GPATCH1: variants seen among roughly 807,000 people sequenced by gnomAD.
GPATCH1 encodes the protein G-patch domain containing 1, also known as G patch domain-containing protein 1.
A neutral mutation model predicts 114.9 loss-of-function variants in GPATCH1; 73 were observed. The observed-to-expected ratio is 0.64, with a 90% confidence interval of 0.53 to 0.77. The LOEUF is 0.77. Ranked by LOEUF, GPATCH1 falls within the 30% of genes least tolerant of loss-of-function variation. The probability of loss-of-function intolerance (pLI) is 0.00; values close to 1 mark genes in which losing one functional copy is unlikely to be tolerated. For missense variants in GPATCH1, 1,058 were observed against 1,144.3 expected (o/e 0.92, Z 1.09); for synonymous variants, 391 against 428.4 (o/e 0.91, Z 1.08).
At chr19:33,106,423 A>G (rs1972785352) in intron 9 of GPATCH1, among the ~76,000 whole-genome samples, 1 of 152,132 alleles carries the variant, frequency 6.6e-6, no homozygotes. Flanking sequence ...TTCTTATCCT[A>G]TAAAACAGGC....
chr19:33,122,029 T>C (rs1057132925), intron 17 of GPATCH1, among the ~76,000 whole-genome samples: 3 of 152,158 alleles, frequency 2.0e-5, no homozygotes. Context: ...TTTATTTTGT[T>C]TTGTTTTGAG....
intron 4 of GPATCH1, among the ~76,000 whole-genome samples, chr19:33,093,940 T>A (rs1417540523): frequency 1.3e-5 from 2 of 152,080 alleles, no homozygotes; most frequent in East Asian, 3.9e-4. Flanking sequence ...TGTGATCCCA[T>A]CGTAAAGGCC....
chr19:33,096,256 A>G lies in GPATCH1; in HGVS notation c.662A>G (p.Asp221Gly). ...GATAATGTGACCTTTGCACCCAAAGATGTCACACCTGTGGATTTCACACCT... is the reference window on the plus strand; with the variant it reads ...GATAATGTGACCTTTGCACCCAAAGGTGTCACACCTGTGGATTTCACACCT... ...LPDNVTFAPK[D>G]VTPVDFTPKD... The change falls in exon 7 of 20, where the codon GAT (aspartate) becomes GGT (glycine). Residue 221 changes from aspartate (D) to glycine (G), a missense_variant. This residue lies in a region of GPATCH1 where 893 missense variants were observed against 977.4 expected (regional missense o/e 0.91). Transcript: ENST00000170564. 2 of 1,613,596 alleles carry G rather than the reference A, an allele frequency of 1.2e-6. No homozygotes were observed. The highest frequency in any genetic ancestry group is 1.7e-6 in the Non-Finnish European group (2 of 1,179,492).
intron 19 of GPATCH1, among the ~76,000 whole-genome samples, chr19:33,127,464 C>G (rs553965033): frequency 9.9e-5 from 15 of 150,808 alleles, no homozygotes; most frequent in Admixed American, 9.3e-4. Context: ...TGCAGTGAGC[C>G]GAGATTGTGC....
intron 3 of GPATCH1, among the ~76,000 whole-genome samples, chr19:33,092,599 G>C (rs529483024): frequency 6.4e-4 from 97 of 152,304 alleles, no homozygotes; most frequent in Middle Eastern, 6.8e-3. Context: ...ACAACGTCAG[G>C]ACTCTGCAAG....
chr19:33,082,626 T>G (rs1482207276), intron 1 of GPATCH1, among the ~76,000 whole-genome samples: 2 of 151,618 alleles, frequency 1.3e-5, no homozygotes, highest in East Asian at 2.0e-4. Flanking sequence ...GGAGGATTGC[T>G]TGAGGTCAGG....
In GPATCH1 at chr19:33,092,621, C is replaced by T. The variant is rs116411386; in HGVS notation, c.295-738C>T. On this transcript the variant is annotated intron_variant, in intron 3 of 19. Coordinates refer to ENST00000170564, the MANE Select transcript of GPATCH1 (RefSeq NM_018025.3). ...CAGGACTCTGCAAGGAAAGAGGAAA[C>T]GTGCCAATGGTTGGACAGGCAGCCA... is the stretch of plus-strand genomic sequence containing the variant. Among the ~76,000 whole-genome samples the T allele has an allele frequency of 2.4e-3, 358 of 152,280 alleles. 1 individual carries two copies. The highest frequency in any genetic ancestry group is 8.2e-3 in the African/African-American group (340 of 41,566).
chr19:33,090,794 A>G lies in GPATCH1; in HGVS notation c.223A>G (p.Thr75Ala), dbSNP rs1972585745. The change falls in exon 3 of 20, where the codon ACC becomes GCC. Residue 75 changes from threonine (T) to alanine (A), a missense_variant. Physicochemically the swap from Thr to Ala is moderately conservative, Grantham distance 58 (BLOSUM62 0). Transcript: ENST00000170564. ...TTTTTTTTCAGGATGGACACCCTCT[A>G]CCTTTGTGTCTTCACGACAGAACAG... ...VGSKEGWTPSTFVSSRQNRAD... is the reference protein window; with the variant it reads ...VGSKEGWTPSAFVSSRQNRAD... 1.2e-6 allele frequency: 2 copies of G among 1,610,666 alleles called. No individual in the cohort carries two copies. The highest frequency in any genetic ancestry group is 1.7e-6 in the Non-Finnish European group (2 of 1,177,238).
At chr19:33,116,332 T>G (rs1203290510) in intron 15 of GPATCH1, among the ~76,000 whole-genome samples, 1 of 152,226 alleles carries the variant, frequency 6.6e-6, no homozygotes, top group Non-Finnish European at 1.5e-5. Flanking sequence ...CTGTTGCTCT[T>G]TCTTCATCCT....
At position 33,101,564 on chromosome 19, in the gene GPATCH1, C is replaced by T. The variant is rs778676911; in HGVS notation, c.1070C>T (p.Ser357Phe). Residue 357 changes from serine (S) to phenylalanine (F), a missense_variant, in exon 9 of 20, where the codon TCT becomes TTT. Transcript: ENST00000170564. ...TTTTCCTTGGCTTCTAAACCTTTAT[C>T]TTCTAAGAAAGTAAGAAAAACTTTT... Reference protein sequence around the residue: ...DGFSLASKPLSSKKIYPPPEL... With the variant: ...DGFSLASKPLFSKKIYPPPEL... 3 of 1,572,306 alleles carry T rather than the reference C, an allele frequency of 1.9e-6. No individual in the cohort carries two copies. In the South Asian group the frequency reaches 3.4e-5, roughly 18 times the overall value.
In GPATCH1 at chr19:33,093,474, C is replaced by T. The variant is rs1315142991; in HGVS notation, c.410C>T (p.Pro137Leu). 1.9e-6 allele frequency: 3 copies of T among 1,613,950 alleles called. No individual in the cohort carries two copies. Among genetic ancestry groups the T allele is most frequent in the East Asian group, 4.5e-5 (2 of 44,870 alleles). ...KARQLAAATA[P>L]IPGATLLDDL... ...AGGCAGTTGGCCGCTGCTACTGCCC[C>T]TATTCCTGGAGCCACCCTCCTTGAT... Residue 137 changes from proline to leucine, a missense_variant, in exon 4 of 20, where the codon CCT becomes CTT. Coordinates refer to ENST00000170564, the MANE Select transcript of GPATCH1 (RefSeq NM_018025.3).
At chr19:33,092,226 T>C (rs1972604684) in intron 3 of GPATCH1, among the ~76,000 whole-genome samples, 1 of 151,952 alleles carries the variant, frequency 6.6e-6, no homozygotes, top group African/African-American at 2.4e-5. Flanking sequence ...AATTTTTGTA[T>C]TTTTAGTAGA....
At chr19:33,118,774 G>C (rs760192588) in intron 16 of GPATCH1, among the ~76,000 whole-genome samples, 1 of 152,212 alleles carries the variant, frequency 6.6e-6, no homozygotes, top group East Asian at 1.9e-4. Context: ...TTGGCACGCT[G>C]TACCTCAGCC....
chr19:33,094,751 C>T (rs1972636427), intron 5 of GPATCH1, among the ~76,000 whole-genome samples: 1 of 152,148 alleles, frequency 6.6e-6, no homozygotes, highest in Admixed American at 6.6e-5. Context: ...TGAGTCTCCC[C>T]AGCCAGACTG....
chr19:33,128,471 A>G (rs1167161372), intron 19 of GPATCH1, among the ~76,000 whole-genome samples: 2 of 152,186 alleles, frequency 1.3e-5, no homozygotes, highest in Non-Finnish European at 2.9e-5. Flanking sequence ...CGTGTTAGCC[A>G]GGATGGTCTC....
intron 18 of GPATCH1, 135 bp from the exon 19 acceptor site, chr19:33,126,451 ACT>A: frequency 7.8e-7 from 1 of 1,289,252 alleles, no homozygotes; most frequent in Non-Finnish European, 1.1e-6. Flanking sequence ...TTAGGCTCTC[ACT>A]CTCACTCACT....
intron 7 of GPATCH1, among the ~76,000 whole-genome samples, chr19:33,097,266 GT>G (rs918786824): frequency 6.6e-6 from 1 of 150,876 alleles, no homozygotes; most frequent in Non-Finnish European, 1.5e-5. Context: ...TTATAAACGT[GT>G]TTTTTTTTCA....
chr19:33,094,845 C>T (rs900336689), intron 5 of GPATCH1, among the ~76,000 whole-genome samples: 3 of 152,152 alleles, frequency 2.0e-5, no homozygotes, highest in African/African-American at 7.2e-5. Flanking sequence ...GAGCACATTA[C>T]TGCTAGGTAG....
intron 1 of GPATCH1, among the ~76,000 whole-genome samples, chr19:33,081,837 G>C (rs1385075186): frequency 1.3e-5 from 2 of 152,020 alleles, no homozygotes; most frequent in African/African-American, 4.8e-5. Flanking sequence ...CAGGATTAGG[G>C]TTAGGGTTAG....
Sources: gnomAD v4.1 joint callset for allele counts (sites outside exome capture counted in the v4.1 genomes callset) on GRCh38, gnomAD v4.1.1 for gene constraint, gnomAD v4.1.1 regional missense constraint, MANE v1.5 for transcripts, NCBI Gene and HGNC (gene_info 2026-07-23, HGNC 2026-07-21) for gene names.